Variants in LCLAT1 observed in about 807,000 individuals in gnomAD.
The protein encoded by LCLAT1 is 1-AGP acyltransferase 8.
A neutral mutation model predicts 30.7 loss-of-function variants in LCLAT1; 11 were observed. The ratio of observed to expected loss-of-function variants is 0.36; its 90% CI spans 0.23 to 0.59. The LOEUF (loss-of-function observed/expected upper bound fraction) is 0.59. Among genes scored for constraint, LCLAT1 ranks in the 20% least tolerant of loss-of-function variants. The pLI is 0.77. For synonymous variants in LCLAT1, 155 were observed against 151.3 expected (o/e 1.02, Z -0.18); for missense variants, 402 against 458.6 (o/e 0.88, Z 1.13).
chr2:30,599,069 G>A (rs1412965436), intron 5 of LCLAT1, among the ~76,000 whole-genome samples: 5 of 151,236 alleles, frequency 3.3e-5, no homozygotes, highest in East Asian at 1.9e-4. Context: ...TGCAACCTCC[G>A]CCTCCCGGTT....
intron 5 of LCLAT1, among the ~76,000 whole-genome samples, chr2:30,618,624 G>A (rs1174633874): frequency 1.3e-5 from 2 of 151,884 alleles, no homozygotes; most frequent in Non-Finnish European, 2.9e-5. Flanking sequence ...TTAATAACTG[G>A]GTGATGAAAT....
chr2:30,455,951 C>T (rs1019100562), intron 1 of LCLAT1, among the ~76,000 whole-genome samples: 7 of 150,006 alleles, frequency 4.7e-5, no homozygotes, highest in African/African-American at 1.7e-4. Context: ...GAAGTGCTCC[C>T]TACGCTTCTG....
intron 3 of LCLAT1, among the ~76,000 whole-genome samples, chr2:30,535,610 A>C (rs1336557023): frequency 6.6e-6 from 1 of 152,234 alleles, no homozygotes; most frequent in Non-Finnish European, 1.5e-5. Flanking sequence ...ATGGAACCAA[A>C]GTCAAGGCAC....
At chr2:30,469,255 T>A (rs1023899660) in intron 1 of LCLAT1, among the ~76,000 whole-genome samples, 1 of 150,362 alleles carries the variant, frequency 6.7e-6, no homozygotes, top group Non-Finnish European at 1.5e-5. Context: ...GCAGTCCAGT[T>A]GATTTTTTTT....
intron 5 of LCLAT1, among the ~76,000 whole-genome samples, chr2:30,615,009 T>C (rs1667927545): frequency 6.6e-6 from 1 of 152,104 alleles, no homozygotes; most frequent in Non-Finnish European, 1.5e-5. Flanking sequence ...AGAAGCTTCA[T>C]TGGCATGGGT....
intron 4 of LCLAT1, among the ~76,000 whole-genome samples, chr2:30,565,174 T>G (rs1665417829): frequency 6.6e-6 from 1 of 152,156 alleles, no homozygotes; most frequent in South Asian, 2.1e-4. Flanking sequence ...GAGATTTATT[T>G]TAAGGAATTG....
At chr2:30,552,457 A>G (rs1442055139) in intron 3 of LCLAT1, 1 of 410,730 alleles carries the variant, frequency 2.4e-6, no homozygotes, top group Non-Finnish European at 4.9e-6. Flanking sequence ...TTACTTGCTC[A>G]TATTTTATAC....
chr2:30,574,270 A>C (rs1398926167), intron 5 of LCLAT1, among the ~76,000 whole-genome samples: 2 of 152,210 alleles, frequency 1.3e-5, no homozygotes, highest in East Asian at 3.8e-4. Flanking sequence ...ATAAGTTTCT[A>C]CATTTCTTTA....
chr2:30,585,977 CGT>C (rs1558536869), intron 5 of LCLAT1, among the ~76,000 whole-genome samples: 1 of 151,768 alleles, frequency 6.6e-6, no homozygotes, highest in East Asian at 1.9e-4. Context: ...AATGGCCGGG[CGT>C]GGTGGCTCAC....
At chr2:30,615,860 G>C (rs748238036) in intron 5 of LCLAT1, among the ~76,000 whole-genome samples, 5 of 152,142 alleles carry the variant, frequency 3.3e-5, no homozygotes. Context: ...TGCCGGTTAC[G>C]TCTTCAGACT....
intron 5 of LCLAT1, among the ~76,000 whole-genome samples, chr2:30,608,629 C>T (rs1667582498): frequency 6.6e-6 from 1 of 151,970 alleles, no homozygotes; most frequent in Non-Finnish European, 1.5e-5. Context: ...TTACAATTGC[C>T]AACAATATTC....
intron 1 of LCLAT1, among the ~76,000 whole-genome samples, chr2:30,463,051 G>T (rs1213811254): frequency 1.3e-5 from 2 of 152,008 alleles, no homozygotes; most frequent in African/African-American, 4.8e-5. Flanking sequence ...TGCTTTAGTT[G>T]CTCAGGAGTT....
chr2:30,521,741 G>A (rs530674833), intron 1 of LCLAT1, among the ~76,000 whole-genome samples: 4 of 151,766 alleles, frequency 2.6e-5, no homozygotes, highest in East Asian at 1.9e-4. Context: ...TCCTGACCTC[G>A]TGATCTGCTC....
intron 5 of LCLAT1, among the ~76,000 whole-genome samples, chr2:30,577,957 A>T (rs1423227578): frequency 6.6e-6 from 1 of 152,130 alleles, no homozygotes; most frequent in African/African-American, 2.4e-5. Context: ...TAACATTTTT[A>T]AATAATCTAC....
intron 5 of LCLAT1, among the ~76,000 whole-genome samples, chr2:30,576,982 C>G (rs1290302571): frequency 6.6e-6 from 1 of 151,582 alleles, no homozygotes; most frequent in East Asian, 1.9e-4. Flanking sequence ...AAATATGAAA[C>G]TAAATACAGA....
At chr2:30,484,695 A>G (rs1438414865) in intron 1 of LCLAT1, among the ~76,000 whole-genome samples, 7 of 152,170 alleles carry the variant, frequency 4.6e-5, no homozygotes, top group African/African-American at 1.4e-4. Flanking sequence ...AAATTTTAAT[A>G]TGACTAGAAC....
chr2:30,562,198 T>G lies in LCLAT1; in HGVS notation c.417T>G (p.Asp139Glu). ...AYIFIHRKWK[D>E]DKSHFEDMID... ...TCTTCATTCATAGGAAATGGAAGGA[T>G]GACAAGAGCCATTTCGAAGACATGA... The change falls in exon 4 of 6, where the codon GAT (aspartate) becomes GAG (glutamate). Residue 139 changes from aspartate (D) to glutamate (E), a missense_variant. By Grantham distance (45) the Asp-to-Glu change is conservative. Coordinates refer to ENST00000379509, the MANE Select transcript of LCLAT1 (RefSeq NM_001002257.3). 6.2e-7 allele frequency: 1 copy of G among 1,613,382 alleles called. No individual in the cohort carries two copies. Among genetic ancestry groups the G allele is most frequent in the African/African-American group, 1.3e-5 (1 of 75,038 alleles).
chr2:30,531,576 A>G (rs910225363), intron 2 of LCLAT1, among the ~76,000 whole-genome samples: 7 of 151,194 alleles, frequency 4.6e-5, no homozygotes, highest in East Asian at 2.0e-4. Context: ...TTAAATACCC[A>G]TGCTGAAAGT....
In LCLAT1 at chr2:30,560,327, T is replaced by G. The variant is rs1157156636; in HGVS notation, c.365-1819T>G. ...GTGTGTGTGTGTGTGTGTGTGTGTATTATTTATTTATTTTGACACGGAGTC... is the reference window on the plus strand; with the variant it reads ...GTGTGTGTGTGTGTGTGTGTGTGTAGTATTTATTTATTTTGACACGGAGTC... On this transcript the variant is annotated intron_variant, in intron 3 of 5. Transcript: ENST00000379509. Among the ~76,000 whole-genome samples the G allele has an allele frequency of 4.2e-3, 591 of 141,936 alleles. 1 individual carries two copies. The highest frequency in any genetic ancestry group is 0.015 in the African/African-American group (557 of 37,572). 93.1% of individuals were successfully genotyped at this position (141,936 alleles called of 152,430 possible).
Sources: gnomAD v4.1 joint callset for allele counts (sites outside exome capture counted in the v4.1 genomes callset) on GRCh38, gnomAD v4.1.1 for gene constraint, MANE v1.5 for transcripts, NCBI Gene and HGNC (gene_info 2026-07-23, HGNC 2026-07-21) for gene names.